Variants in RERE observed in about 807,000 individuals in gnomAD.
RERE encodes the protein arginine-glutamic acid dipeptide repeats protein.
RERE carries 40 observed loss-of-function variants against 146.1 expected under a neutral mutation model. That is an observed-to-expected ratio of 0.27 (90% CI 0.21 to 0.36). The LOEUF is 0.36. Ranked by LOEUF, RERE falls within the 10% of genes least tolerant of loss-of-function variation. The probability of loss-of-function intolerance (pLI) is 1.00; values close to 1 mark genes in which losing one functional copy is unlikely to be tolerated. For missense variants in RERE, 1,933 were observed against 2,138.7 expected (o/e 0.90, Z 1.90); for synonymous variants, 1,003 against 866.0 (o/e 1.16, Z -2.78).
chr1:8,354,433 A>T lies in RERE; in HGVS notation c.*654T>A, dbSNP rs1483111486. 6.6e-6 allele frequency: 1 copy of T among 152,436 alleles called. No homozygotes were observed. Among genetic ancestry groups the T allele is most frequent in the Non-Finnish European group, 1.5e-5 (1 of 68,032 alleles). 9.4% of individuals were successfully genotyped at this position (152,436 alleles called of 1,614,324 possible). A position where few individuals can be genotyped will look rare whatever the true frequency, so the allele number is the denominator to read the frequency against. Reference sequence around the variant, plus strand: ...AATTATATATAACTTTTTATTAAAAAATCAACTCTGTATTCTGTCAATAGT... The same window carrying T: ...AATTATATATAACTTTTTATTAAAATATCAACTCTGTATTCTGTCAATAGT... On this transcript the variant is annotated 3_prime_UTR_variant, in exon 23 of 23. Coordinates refer to ENST00000400908, the MANE Select transcript of RERE (RefSeq NM_001042681.2).
chr1:8,356,072 C>T lies in RERE; in HGVS notation c.4486+28G>A, dbSNP rs771848153. 2 of 1,467,196 alleles carry T rather than the reference C, an allele frequency of 1.4e-6. No homozygotes were observed. The highest frequency in any genetic ancestry group is 5.5e-5 in the Admixed American group (2 of 36,616). The allele number at this position is 1,467,196 out of a possible 1,614,324, so 90.9% of individuals were successfully genotyped here. On this transcript the variant is annotated intron_variant, in intron 21 of 22. Coordinates refer to ENST00000400908, the MANE Select transcript of RERE (RefSeq NM_001042681.2). This position sits in a 1 kb window ranked among gnomAD's most constrained non-coding sequence, Gnocchi z 5.2. ...CCCAACCCAACCCTCACACGGCCTC[C>T]CCGCCCCTCCTGGAGGGGAAGTCTT... is the stretch of plus-strand genomic sequence containing the variant.
intron 12 of RERE, among the ~76,000 whole-genome samples, chr1:8,376,404 G>A (rs1200714133): frequency 6.6e-6 from 1 of 152,152 alleles, no homozygotes; most frequent in Non-Finnish European, 1.5e-5. Flanking sequence ...AACTTCAGGG[G>A]CACACAAATC....
rs556035691 is a variant in RERE at position 8,524,378 on chromosome 1, C to G, written c.831-15703G>C. On this transcript the variant is annotated intron_variant, in intron 7 of 22. Coordinates refer to ENST00000400908, the MANE Select transcript of RERE (RefSeq NM_001042681.2). ...AATATTTTCAGTGACTAGAATTCAC[C>G]AACATTAGCCTTCCTAAAAACTTTC... Among the ~76,000 whole-genome samples, 4 of 152,234 alleles carry G rather than the reference C, an allele frequency of 2.6e-5. No homozygotes were observed. The South Asian group carries it at 8.3e-4, about 32-fold the overall frequency.
intron 12 of RERE, among the ~76,000 whole-genome samples, chr1:8,387,312 A>G (rs773788146): frequency 2.0e-5 from 3 of 152,204 alleles, no homozygotes; most frequent in Non-Finnish European, 2.9e-5. Flanking sequence ...ATGCTACACA[A>G]TCACCAAACC....
intron 3 of RERE, among the ~76,000 whole-genome samples, chr1:8,617,343 C>CTA (rs1646865498): frequency 1.2e-5 from 1 of 80,428 alleles, no homozygotes; most frequent in African/African-American, 5.2e-5. Flanking sequence ...AACTCTGTCT[C>CTA]AAAAAAAAAA....
At chr1:8,402,895 C>T (rs1053692869) in intron 12 of RERE, among the ~76,000 whole-genome samples, 1 of 152,100 alleles carries the variant, frequency 6.6e-6, no homozygotes, top group African/African-American at 2.4e-5. Context: ...AACCAATGAT[C>T]CAGTTTCTTT....
intron 1 of RERE, among the ~76,000 whole-genome samples, chr1:8,766,654 A>T (rs1031143333): frequency 6.6e-6 from 1 of 152,118 alleles, no homozygotes; most frequent in Non-Finnish European, 1.5e-5. Context: ...AAGAAACAAT[A>T]CTTGATTCTA....
At chr1:8,627,233 G>A (rs1040513357) in intron 2 of RERE, among the ~76,000 whole-genome samples, 3 of 152,108 alleles carry the variant, frequency 2.0e-5, no homozygotes, top group Non-Finnish European at 4.4e-5. Context: ...AAGGTGGTCT[G>A]CACTGTCCAC....
At chr1:8,609,648 A>G (rs1646766934) in intron 4 of RERE, among the ~76,000 whole-genome samples, 1 of 152,234 alleles carries the variant, frequency 6.6e-6, no homozygotes, top group Non-Finnish European at 1.5e-5. Flanking sequence ...CCACTAAAAA[A>G]GCAACCAGAT....
intron 4 of RERE, among the ~76,000 whole-genome samples, chr1:8,583,636 G>A (rs1185760679): frequency 1.3e-5 from 2 of 151,768 alleles, no homozygotes; most frequent in Non-Finnish European, 2.9e-5. Context: ...CAAGGCAGGG[G>A]AGAAACTACC....
At position 8,509,430 on chromosome 1, in the gene RERE, A is replaced by G. The variant is rs573671807; in HGVS notation, c.831-755T>C. On this transcript the variant is annotated intron_variant, in intron 7 of 22. Coordinates refer to ENST00000400908, the MANE Select transcript of RERE (RefSeq NM_001042681.2). Reference sequence around the variant, plus strand: ...CATCCATCCATCCATCCATCCATCCATCCATCCGTCCGTCCGTCCGTCCAT... The same window carrying G: ...CATCCATCCATCCATCCATCCATCCGTCCATCCGTCCGTCCGTCCGTCCAT... Among the ~76,000 whole-genome samples the G allele has an allele frequency of 8.3e-3, 724 of 87,276 alleles. 7 individuals carry two copies. Among genetic ancestry groups the G allele is most frequent in the South Asian group, 0.022 (52 of 2,328 alleles). 57.3% of individuals were successfully genotyped at this position (87,276 alleles called of 152,430 possible).
intron 2 of RERE, among the ~76,000 whole-genome samples, chr1:8,649,120 T>A (rs1647469633): frequency 6.6e-6 from 1 of 152,044 alleles, no homozygotes; most frequent in Non-Finnish European, 1.5e-5. Context: ...GAAATCAATA[T>A]CCTATGCTAA....
At position 8,423,747 on chromosome 1, in the gene RERE, C is replaced by T; in HGVS notation, c.1204-940G>A. The T allele has an allele frequency of 1.0e-6, 1 of 959,048 alleles. No individual in the cohort carries two copies. The highest frequency in any genetic ancestry group is 1.2e-6 in the Non-Finnish European group (1 of 808,936). 59.4% of individuals were successfully genotyped at this position (959,048 alleles called of 1,614,324 possible). On this transcript the variant is annotated intron_variant, in intron 11 of 22. Coordinates refer to ENST00000400908, the MANE Select transcript of RERE (RefSeq NM_001042681.2). The surrounding 1 kb of genome is among the most constrained non-coding windows in gnomAD (Gnocchi z 5.4). ...GCCGCGCGGCGCGGGGCCCGGGGGG[C>T]GCGGGGCTGGGGCCGCCGCTGACGG...
rs959132824 is a variant in RERE at position 8,445,840 on chromosome 1, C to T, written c.1203+20085G>A. On this transcript the variant is annotated intron_variant, in intron 11 of 22. Transcript: ENST00000400908. ...TCCCCTACCCGCCCCCACCCCCCAA[C>T]AGGCCCTGGTGTGTGATGTTCCCCT... Among the ~76,000 whole-genome samples, 5 of 132,190 alleles carry T rather than the reference C, an allele frequency of 3.8e-5. No homozygotes were observed. In the Admixed American group the frequency reaches 4.1e-4, roughly 11 times the overall value. The allele number at this position is 132,190 out of a possible 152,430, so 86.7% of individuals were successfully genotyped here.
chr1:8,685,725 G>A (rs1003943378), intron 1 of RERE, among the ~76,000 whole-genome samples: 10 of 152,154 alleles, frequency 6.6e-5, no homozygotes, highest in Admixed American at 1.3e-4. Flanking sequence ...TCCAATTACC[G>A]CTGGTTTTTC....
At chr1:8,484,685 T>C (rs1644876284) in intron 10 of RERE, among the ~76,000 whole-genome samples, 2 of 152,144 alleles carry the variant, frequency 1.3e-5, no homozygotes, top group Non-Finnish European at 1.5e-5. Flanking sequence ...GGCCTCCCAA[T>C]GTGCTGGGAT....
intron 4 of RERE, among the ~76,000 whole-genome samples, chr1:8,611,393 A>G (rs757043298): frequency 3.7e-4 from 56 of 151,110 alleles, no homozygotes; most frequent in Admixed American, 5.9e-4. Context: ...AACCCCAGCT[A>G]CTCAGGAGGC....
At chr1:8,730,865 TGGAG>T (rs761014014) in intron 1 of RERE, among the ~76,000 whole-genome samples, 6 of 152,168 alleles carry the variant, frequency 3.9e-5, no homozygotes, top group Non-Finnish European at 8.8e-5. Context: ...CAGAATCACC[TGGAG>T]GGATTTGTTA....
chr1:8,666,416 T>G (rs890054544), intron 1 of RERE, among the ~76,000 whole-genome samples: 1 of 152,238 alleles, frequency 6.6e-6, no homozygotes, highest in African/African-American at 2.4e-5. Flanking sequence ...ATGAACATCT[T>G]ACTCTGCTAG....
Sources: gnomAD v4.1 joint callset for allele counts (sites outside exome capture counted in the v4.1 genomes callset) on GRCh38, gnomAD v4.1.1 for gene constraint, Gnocchi (gnomAD v3.1) non-coding constraint, MANE v1.5 for transcripts, NCBI Gene and HGNC (gene_info 2026-07-23, HGNC 2026-07-21) for gene names.